Variants in USP10 observed in about 807,000 individuals in gnomAD.
USP10 encodes ubiquitin carboxyl-terminal hydrolase 10.
Under a neutral mutation model 84.5 loss-of-function variants are expected in USP10, and 22 were observed. That is an observed-to-expected ratio of 0.26 (90% CI 0.19 to 0.37). USP10 has a LOEUF of 0.37. USP10 is among the 10% of genes least tolerant of loss of function. The pLI, the probability that USP10 is intolerant of heterozygous loss-of-function variation, is 1.00. For missense variants in USP10, 1,019 were observed against 998.9 expected (o/e 1.02, Z -0.27); for synonymous variants, 454 against 387.6 (o/e 1.17, Z -2.01).
chr16:84,755,578 G>A (rs902331647), intron 4 of USP10, among the ~76,000 whole-genome samples: 9 of 152,276 alleles, frequency 5.9e-5, no homozygotes, highest in Non-Finnish European at 1.2e-4. Flanking sequence ...CGAGGCTGCA[G>A]TGAGGCATAA....
intron 4 of USP10, among the ~76,000 whole-genome samples, chr16:84,754,722 C>G (rs17764258): frequency 0.067 from 10,173 of 152,276 alleles, 384 homozygotes; most frequent in Non-Finnish European, 0.078. Flanking sequence ...TTCATGCTGT[C>G]TCACAAATAA....
chr16:84,725,017 T>C (rs1908274119), intron 1 of USP10, among the ~76,000 whole-genome samples: 2 of 152,236 alleles, frequency 1.3e-5, no homozygotes, highest in Admixed American at 6.5e-5. Flanking sequence ...ACTGACCTTT[T>C]TTAAAACTTT....
At chr16:84,712,206 T>C (rs150161106) in intron 1 of USP10, among the ~76,000 whole-genome samples, 2 of 152,330 alleles carry the variant, frequency 1.3e-5, no homozygotes, top group East Asian at 1.9e-4. Context: ...TTTGATTCTG[T>C]AGATGCCCTG....
intron 1 of USP10, among the ~76,000 whole-genome samples, chr16:84,707,156 C>A (rs1905639202): frequency 6.6e-6 from 1 of 152,132 alleles, no homozygotes; most frequent in Non-Finnish European, 1.5e-5. Flanking sequence ...AAATCCTTTG[C>A]TTTTTCTACT....
At chr16:84,738,824 C>G (rs181503368) in intron 2 of USP10, among the ~76,000 whole-genome samples, 205 of 152,258 alleles carry the variant, frequency 1.3e-3, no homozygotes, top group African/African-American at 4.7e-3. Context: ...GTGCTGAGAT[C>G]TCATTGGAGA....
chr16:84,701,948 T>TTTTTTTTTTTTTTG (rs1904922881), intron 1 of USP10, among the ~76,000 whole-genome samples: 1 of 150,180 alleles, frequency 6.7e-6, no homozygotes, highest in Non-Finnish European at 1.5e-5. Flanking sequence ...TTTTTTTTTT[T>TTTTTTTTTTTTTTG]TTTTTTGAGT....
chr16:84,705,469 G>C (rs906790034), intron 1 of USP10, among the ~76,000 whole-genome samples: 1 of 151,936 alleles, frequency 6.6e-6, no homozygotes, highest in Non-Finnish European at 1.5e-5. Context: ...CTGACCTCAC[G>C]ATCCGCCCAC....
Position 84,745,408 on chromosome 16 carries a change from C to T in USP10, c.927C>T (p.Ser309=), listed in dbSNP as rs1049104340. 5 of 1,613,742 alleles carry T rather than the reference C, an allele frequency of 3.1e-6. No homozygotes were observed. Among genetic ancestry groups the T allele is most frequent in the Non-Finnish European group, 4.2e-6 (5 of 1,179,718 alleles). The part of the protein sequence containing the change: ...TNGVELHTTE[S]IDLDPTKPES... ...GGGTGGAGTTGCACACCACGGAAAG[C>T]ATAGACTTGGACCCAACCAAACCCG... The change falls in exon 4 of 14, where the codon AGC becomes AGT. Residue 309 remains serine (S), a synonymous_variant. Transcript: ENST00000219473.
chr16:84,751,838 A>T (rs773907712), intron 4 of USP10, among the ~76,000 whole-genome samples: 1 of 152,196 alleles, frequency 6.6e-6, no homozygotes, highest in African/African-American at 2.4e-5. Flanking sequence ...GGGATTTTCA[A>T]TGTTAATATG....
chr16:84,762,979 AC>A lies in USP10; in HGVS notation c.1555-8del, dbSNP rs1913383422. The A allele has an allele frequency of 4.4e-6, 7 of 1,584,490 alleles. No homozygotes were observed. Among genetic ancestry groups the A allele is most frequent in the Non-Finnish European group, 6.1e-6 (7 of 1,155,192 alleles). On this transcript the variant is annotated splice_polypyrimidine_tract_variant and intron_variant, in intron 8 of 13. Coordinates refer to ENST00000219473, the MANE Select transcript of USP10 (RefSeq NM_005153.3). ...GTTCACAGTAACGTGATTATATTTG[AC>A]CTTTTCAGGGTCGACAAGAAGATGC...
At position 84,733,299 on chromosome 16, in the gene USP10, C is replaced by T. The variant is rs1365774187; in HGVS notation, c.22-136C>T. On this transcript the variant is annotated intron_variant, in intron 1 of 13. Coordinates refer to ENST00000219473, the MANE Select transcript of USP10 (RefSeq NM_005153.3). The stretch of plus-strand genomic sequence containing the variant: ...AACCTAGAACTCTGAGTTGCAGATC[C>T]TCTGTTTAATTGAGAAAGGATCTTG... 25 of 661,952 alleles carry T rather than the reference C, an allele frequency of 3.8e-5. No individual in the cohort carries two copies. The East Asian group carries it at 4.4e-4, about 12-fold the overall frequency. 41.0% of individuals were successfully genotyped at this position (661,952 alleles called of 1,614,324 possible).
At chr16:84,755,715 T>C (rs1912452677) in intron 4 of USP10, among the ~76,000 whole-genome samples, 2 of 151,792 alleles carry the variant, frequency 1.3e-5, no homozygotes, top group African/African-American at 4.8e-5. Context: ...CAAGAATTGC[T>C]TGAGACCCAG....
intron 1 of USP10, among the ~76,000 whole-genome samples, chr16:84,724,197 A>T (rs900952358): frequency 6.6e-6 from 1 of 152,202 alleles, no homozygotes; most frequent in Non-Finnish European, 1.5e-5. Flanking sequence ...TTTAATGGCC[A>T]TTTTGTAATA....
At chr16:84,738,401 A>C (rs1303127489) in intron 2 of USP10, among the ~76,000 whole-genome samples, 4 of 152,172 alleles carry the variant, frequency 2.6e-5, no homozygotes, top group African/African-American at 7.2e-5. Flanking sequence ...ACAGAAAAAG[A>C]GGGCATTCTA....
intron 4 of USP10, among the ~76,000 whole-genome samples, chr16:84,747,727 C>G (rs1318968783): frequency 6.6e-6 from 1 of 151,876 alleles, no homozygotes; most frequent in African/African-American, 2.4e-5. Context: ...CAATGTCTGG[C>G]TATCTTTTTT....
chr16:84,730,322 T>A (rs997614086), intron 1 of USP10, among the ~76,000 whole-genome samples: 1 of 152,162 alleles, frequency 6.6e-6, no homozygotes, highest in Non-Finnish European at 1.5e-5. Context: ...CTTTTAATAG[T>A]ATTTTGAAGA....
intron 1 of USP10, chr16:84,732,613 AT>A: frequency 3.3e-6 from 1 of 301,928 alleles, no homozygotes; most frequent in Non-Finnish European, 6.5e-6. Flanking sequence ...CGCCTGGCTA[AT>A]TTTTGTATTT....
intron 3 of USP10, among the ~76,000 whole-genome samples, chr16:84,743,865 G>A (rs1162479896): frequency 2.0e-5 from 3 of 152,116 alleles, no homozygotes; most frequent in Non-Finnish European, 2.9e-5. Context: ...TTTTTCTTTT[G>A]GTATTTTTGG....
At chr16:84,778,036 T>C (rs1371277877) in intron 13 of USP10, among the ~76,000 whole-genome samples, 4 of 152,096 alleles carry the variant, frequency 2.6e-5, no homozygotes, top group African/African-American at 9.7e-5. Context: ...GATTTTTTGT[T>C]TTAGGCCTTT....
Sources: gnomAD v4.1 joint callset for allele counts (sites outside exome capture counted in the v4.1 genomes callset) on GRCh38, gnomAD v4.1.1 for gene constraint, MANE v1.5 for transcripts, NCBI Gene and HGNC (gene_info 2026-07-23, HGNC 2026-07-21) for gene names.